The following FRK variants were observed in gnomAD, a reference collection of about 807,000 sequenced individuals.
The protein encoded by FRK is tyrosine-protein kinase FRK.
Under a neutral mutation model 56.4 loss-of-function variants are expected in FRK, and 51 were observed. The observed-to-expected ratio is 0.90, with a 90% CI of 0.72 to 1.14. The LOEUF is 1.14. Ranked by LOEUF, FRK falls within the 50% of genes most tolerant of loss-of-function variation. The pLI, the probability that FRK is intolerant of heterozygous loss-of-function variation, is 0.00. For missense variants in FRK, 570 were observed against 601.4 expected (o/e 0.95, Z 0.55); for synonymous variants, 245 against 217.9 (o/e 1.12, Z -1.10).
At chr6:115,962,185 A>G (rs1773399337) in intron 4 of FRK, among the ~76,000 whole-genome samples, 2 of 130,958 alleles carry the variant, frequency 1.5e-5, no homozygotes, top group Admixed American at 1.5e-4. Context: ...GGCTCAAAAT[A>G]AAAGGATGGA....
the FRK span, among the ~76,000 whole-genome samples, chr6:116,074,825 A>G: frequency 6.6e-6 from 1 of 152,126 alleles, no homozygotes; most frequent in African/African-American, 2.4e-5. Flanking sequence ...AGGGCACAAG[A>G]GAATCTGAGG....
At chr6:116,072,563 AC>A in the FRK span, among the ~76,000 whole-genome samples, 107 of 149,204 alleles carry the variant, frequency 7.2e-4, 1 homozygote, top group African/African-American at 1.4e-3. Context: ...ACACACACAC[AC>A]AAGATACCTT....
At chr6:115,955,056 G>A (rs546336174) in intron 5 of FRK, among the ~76,000 whole-genome samples, 7 of 152,086 alleles carry the variant, frequency 4.6e-5, no homozygotes, top group Admixed American at 1.3e-4. Flanking sequence ...CTCAAGTAAA[G>A]GGGGAATAAA....
chr6:116,096,584 C>T, the FRK span, among the ~76,000 whole-genome samples: 1 of 152,176 alleles, frequency 6.6e-6, no homozygotes, highest in East Asian at 1.9e-4. Flanking sequence ...TGCAAAAATG[C>T]ACCAATGAGC....
At chr6:116,097,749 C>T in the FRK span, among the ~76,000 whole-genome samples, 1 of 152,056 alleles carries the variant, frequency 6.6e-6, no homozygotes, top group Admixed American at 6.5e-5. Flanking sequence ...AAAAACAGTA[C>T]ATGAAATACT....
chr6:116,091,181 CA>C, the FRK span, among the ~76,000 whole-genome samples: 1 of 152,100 alleles, frequency 6.6e-6, no homozygotes, highest in Admixed American at 6.5e-5. Context: ...ATGTACCAAT[CA>C]GCACTCTGTG....
intron 2 of FRK, among the ~76,000 whole-genome samples, chr6:115,976,908 A>G (rs1774011499): frequency 1.3e-5 from 2 of 152,140 alleles, no homozygotes. Context: ...GGCAGTTCCA[A>G]AGTAATATTT....
intron 5 of FRK, among the ~76,000 whole-genome samples, chr6:115,949,120 T>C (rs1772594149): frequency 6.6e-6 from 1 of 152,258 alleles, no homozygotes; most frequent in Non-Finnish European, 1.5e-5. Flanking sequence ...CTTGTGATTT[T>C]TGCACATTGA....
At position 115,988,809 on chromosome 6, in the gene FRK, A is replaced by G. The variant is rs1331572710; in HGVS notation, c.466+15068T>C. ...CAAAAGTAAATTTCTTACATATCTT[A>G]TTTGATTTAAGAATCAGGCAGCCTT... is the stretch of plus-strand genomic sequence containing the variant. On this transcript the variant is annotated intron_variant, in intron 2 of 7. Transcript: ENST00000606080. Among the ~76,000 whole-genome samples, 4 of 151,932 alleles carry G rather than the reference A, an allele frequency of 2.6e-5. No individual in the cohort carries two copies. In the East Asian group the frequency reaches 7.7e-4, roughly 29 times the overall value.
At chr6:115,969,686 GT>G (rs1773728365) in intron 2 of FRK, among the ~76,000 whole-genome samples, 1 of 152,112 alleles carries the variant, frequency 6.6e-6, no homozygotes, top group African/African-American at 2.4e-5. Context: ...TGTTGTTTTG[GT>G]TTTGGTTTAC....
intron 2 of FRK, among the ~76,000 whole-genome samples, chr6:115,974,467 T>C (rs1280822398): frequency 6.6e-6 from 1 of 152,122 alleles, no homozygotes; most frequent in East Asian, 1.9e-4. Flanking sequence ...CACCTAGAGT[T>C]TTCAAGCACA....
In FRK at chr6:115,942,136, G is replaced by A; in HGVS notation, c.*278C>T. On this transcript the variant is annotated 3_prime_UTR_variant, in exon 8 of 8. Coordinates refer to ENST00000606080, the MANE Select transcript of FRK (RefSeq NM_002031.3). Reference sequence around the variant, plus strand: ...TTGATCGACATTTCAAACAATAAATGGAAATGTAAGTATCTCTTAAAAAGA... The same window carrying A: ...TTGATCGACATTTCAAACAATAAATAGAAATGTAAGTATCTCTTAAAAAGA... 1 of 294,316 alleles carries A rather than the reference G, an allele frequency of 3.4e-6. No individual in the cohort carries two copies. Among genetic ancestry groups the A allele is most frequent in the South Asian group, 3.8e-5 (1 of 26,082 alleles). The allele number at this position is 294,316 out of a possible 1,614,324, so 18.2% of individuals were successfully genotyped here. A position where few individuals can be genotyped will look rare whatever the true frequency, so the allele number is the denominator to read the frequency against.
chr6:116,005,721 T>C (rs1012638124), intron 1 of FRK, among the ~76,000 whole-genome samples: 1 of 152,210 alleles, frequency 6.6e-6, no homozygotes, highest in Admixed American at 6.5e-5. Context: ...AAATGCATGT[T>C]TTTGATTATT....
the FRK span, among the ~76,000 whole-genome samples, chr6:116,097,719 C>T: frequency 7.9e-5 from 12 of 152,014 alleles, no homozygotes; most frequent in Non-Finnish European, 1.5e-4. Context: ...TAAATTATTA[C>T]ATAACTCATA....
chr6:116,014,189 A>G (rs1348146378), intron 1 of FRK, among the ~76,000 whole-genome samples: 1 of 152,202 alleles, frequency 6.6e-6, no homozygotes, highest in African/African-American at 2.4e-5. Context: ...TATGTGCTGA[A>G]ATACATTAGA....
chr6:116,085,383 A>T, the FRK span, among the ~76,000 whole-genome samples: 5 of 152,104 alleles, frequency 3.3e-5, no homozygotes, highest in African/African-American at 1.2e-4. Flanking sequence ...GTGAAAGGGG[A>T]TTTTCATTTT....
intron 1 of FRK, among the ~76,000 whole-genome samples, chr6:116,052,912 A>G (rs1257919883): frequency 6.6e-6 from 1 of 152,158 alleles, no homozygotes; most frequent in Non-Finnish European, 1.5e-5. Flanking sequence ...ATGAAACATA[A>G]TATTTATTAA....
At chr6:116,025,854 C>A (rs1490815012) in intron 1 of FRK, among the ~76,000 whole-genome samples, 1 of 152,088 alleles carries the variant, frequency 6.6e-6, no homozygotes, top group Non-Finnish European at 1.5e-5. Context: ...CCAAAGTTTG[C>A]CATTTACTCA....
chr6:115,967,397 T>C (rs1278937123), intron 4 of FRK, among the ~76,000 whole-genome samples, 154 bp downstream of exon 4: 3 of 152,178 alleles, frequency 2.0e-5, no homozygotes, highest in Non-Finnish European at 4.4e-5. Context: ...TTTAATGCCT[T>C]ATCCATAGGT....
Sources: gnomAD v4.1 joint callset for allele counts (sites outside exome capture counted in the v4.1 genomes callset) on GRCh38, gnomAD v4.1.1 for gene constraint, MANE v1.5 for transcripts, NCBI Gene and HGNC (gene_info 2026-07-23, HGNC 2026-07-21) for gene names.